Variants in RHBDL3 observed in about 807,000 individuals in gnomAD.
The protein encoded by RHBDL3 is rhomboid-related protein 3.
RHBDL3 carries 28 observed loss-of-function variants against 48.2 expected under a neutral mutation model. That is an observed-to-expected ratio of 0.58 (90% CI 0.43 to 0.80). The LOEUF (loss-of-function observed/expected upper bound fraction) is 0.80, where lower values mean the gene tolerates loss of function less well. Among genes scored for constraint, RHBDL3 ranks in the 30% least tolerant of loss-of-function variants. RHBDL3 has a pLI of 0.00. For missense variants in RHBDL3, 464 were observed against 542.7 expected, an observed-to-expected ratio of 0.85 and a Z score of 1.44; for synonymous variants, 208 against 232.3, an observed-to-expected ratio of 0.90 and a Z score of 0.95.
intron 2 of RHBDL3, among the ~76,000 whole-genome samples, chr17:32,273,063 C>G (rs867236339): frequency 1.3e-5 from 2 of 152,216 alleles, no homozygotes; most frequent in African/African-American, 4.8e-5. Context: ...TGCAGTAGCG[C>G]GATCTCAGCT....
At chr17:32,275,842 A>G (rs371952571) in intron 2 of RHBDL3, among the ~76,000 whole-genome samples, 3 of 152,202 alleles carry the variant, frequency 2.0e-5, no homozygotes, top group African/African-American at 7.2e-5. Context: ...TGGGAATCCC[A>G]GAATCGTGGA....
intron 2 of RHBDL3, among the ~76,000 whole-genome samples, chr17:32,279,235 G>A (rs1239271472): frequency 1.3e-5 from 2 of 152,158 alleles, no homozygotes; most frequent in Non-Finnish European, 2.9e-5. Context: ...GTCAAGGGGT[G>A]CCTGATACAT....
intron 7 of RHBDL3, among the ~76,000 whole-genome samples, chr17:32,310,985 C>T (rs895351859): frequency 1.3e-5 from 2 of 151,968 alleles, no homozygotes; most frequent in Admixed American, 6.6e-5. Context: ...TTCACATTCC[C>T]TGTGTTGGGT....
chr17:32,305,535 A>C, intron 7 of RHBDL3, 94 bp downstream of exon 7: 1 of 853,702 alleles, frequency 1.2e-6, no homozygotes, highest in Non-Finnish European at 2.0e-6. Flanking sequence ...CTCACCAAAA[A>C]CCAGGCAGAC....
chr17:32,290,238 C>G (rs1328578918), intron 4 of RHBDL3, among the ~76,000 whole-genome samples: 2 of 152,194 alleles, frequency 1.3e-5, no homozygotes, highest in East Asian at 3.8e-4. Context: ...GCTTCCTTCT[C>G]TAAGTGTGTG....
rs757977617 is a variant in RHBDL3 at position 32,321,217 on chromosome 17, G to A, written c.1203G>A (p.Pro401=). Reference sequence around the variant, plus strand: ...ACACCCTGCTGGACTTAAAGCTGCCGCCTCCCCCCTGAGGGCTGGAGGCCC... The same window carrying A: ...ACACCCTGCTGGACTTAAAGCTGCCACCTCCCCCCTGAGGGCTGGAGGCCC... ...FAYTLLDLKL[P]PPP is the part of the protein sequence containing the mutation. The change falls in exon 9 of 9, where the codon CCG becomes CCA. Residue 401 remains proline (P), a synonymous_variant. Coordinates refer to ENST00000269051, the MANE Select transcript of RHBDL3 (RefSeq NM_138328.3). 89 of 1,614,086 alleles carry A rather than the reference G, an allele frequency of 5.5e-5. No individual in the cohort carries two copies. Among genetic ancestry groups the A allele is most frequent in the Middle Eastern group, 1.6e-4 (1 of 6,084 alleles).
Position 32,266,272 on chromosome 17 carries a change from A to G in RHBDL3, c.83A>G (p.Glu28Gly). The change falls in exon 1 of 9, where the codon GAG becomes GGG. Residue 28 changes from glutamate to glycine, a missense_variant. By Grantham distance (98) the Glu-to-Gly change is moderately conservative (BLOSUM62 -2). Transcript: ENST00000269051. ...ERIEELEPEA[E>G]ERLPAAPEDH... ...ATCGAGGAGCTGGAACCCGAGGCCG[A>G]GGAGCGGCTGCCCGCGGCGCCGGAG... 1 of 1,468,080 alleles carries G rather than the reference A, an allele frequency of 6.8e-7. No homozygotes were observed. 90.9% of individuals were successfully genotyped at this position (1,468,080 alleles called of 1,614,324 possible).
intron 4 of RHBDL3, among the ~76,000 whole-genome samples, chr17:32,292,675 A>G (rs1330458597): frequency 6.6e-6 from 1 of 151,886 alleles, no homozygotes; most frequent in Non-Finnish European, 1.5e-5. Flanking sequence ...ATGGTGGCAC[A>G]CGTCTAATCC....
chr17:32,282,982 T>G (rs1441442156), intron 2 of RHBDL3, among the ~76,000 whole-genome samples: 1 of 152,186 alleles, frequency 6.6e-6, no homozygotes, highest in East Asian at 1.9e-4. Flanking sequence ...TTTGATTTTC[T>G]CAGAAATGCT....
intron 7 of RHBDL3, among the ~76,000 whole-genome samples, chr17:32,315,470 T>C (rs1034456265): frequency 2.6e-5 from 4 of 152,184 alleles, no homozygotes; most frequent in African/African-American, 9.7e-5. Context: ...GTTCCGAGTT[T>C]TCCAAGATTC....
rs2039867819 is a variant in RHBDL3 at position 32,275,186 on chromosome 17, C to G, written c.135+7261C>G. On this transcript the variant is annotated intron_variant, in intron 2 of 8. Coordinates refer to ENST00000269051, the MANE Select transcript of RHBDL3 (RefSeq NM_138328.3). The stretch of plus-strand genomic sequence containing the variant: ...CCCTGCTGACATTCACTCCCCACTC[C>G]CTGCCTGCAGTTCCCTTGAGACTCC... 2.6e-5 allele frequency among the ~76,000 whole-genome samples: 4 copies of G among 152,162 alleles called. No individual in the cohort carries two copies. The South Asian group carries it at 8.3e-4, about 32-fold the overall frequency.
At chr17:32,300,020 G>T (rs2040545764) in intron 6 of RHBDL3, among the ~76,000 whole-genome samples, 1 of 152,142 alleles carries the variant, frequency 6.6e-6, no homozygotes, top group Admixed American at 6.5e-5. Flanking sequence ...CCTACCATAT[G>T]CAGGCCGTAA....
chr17:32,316,173 G>T, intron 7 of RHBDL3, 59 bp from the exon 8 acceptor site: 2 of 1,241,608 alleles, frequency 1.6e-6, no homozygotes, highest in Non-Finnish European at 2.4e-6. Flanking sequence ...TCTTAAGCAA[G>T]ACACACCGGC....
chr17:32,301,996 C>A lies in RHBDL3; in HGVS notation c.782-3345C>A, dbSNP rs140913552. Among the ~76,000 whole-genome samples the A allele has an allele frequency of 5.7e-3, 862 of 152,332 alleles. 5 individuals carry two copies. The highest frequency in any genetic ancestry group is 0.024 in the Middle Eastern group (7 of 294). ...CCTTATGGCAAAGTTGCCAGTTTAT[C>A]TGTGTGCTGGCATGACCTCAGAATT... On this transcript the variant is annotated intron_variant, in intron 6 of 8. Coordinates refer to ENST00000269051, the MANE Select transcript of RHBDL3 (RefSeq NM_138328.3).
chr17:32,267,430 TG>T (rs200339559), intron 1 of RHBDL3, among the ~76,000 whole-genome samples: 9 of 120,652 alleles, frequency 7.5e-5, no homozygotes, highest in East Asian at 2.5e-4. Context: ...TGAGTTCTCC[TG>T]GGGGGGGAGG....
chr17:32,320,930 G>A, intron 8 of RHBDL3, 28 bp from the exon 9 acceptor site: 8 of 1,581,050 alleles, frequency 5.1e-6, no homozygotes. Context: ...GCCCTCCTGT[G>A]ACATCTCTCT....
intron 7 of RHBDL3, 130 bp downstream of exon 7, chr17:32,305,571 A>C: frequency 1.5e-6 from 1 of 686,372 alleles, no homozygotes; most frequent in Non-Finnish European, 2.7e-6. Context: ...GTTCTCACAC[A>C]CTCCTCACCC....
chr17:32,314,516 G>T (rs560699089), intron 7 of RHBDL3, among the ~76,000 whole-genome samples: 29 of 152,122 alleles, frequency 1.9e-4, no homozygotes, highest in Admixed American at 2.0e-4. Context: ...TGAAATCCAT[G>T]GAGGGGACAT....
chr17:32,305,592 C>CCAGATGCG, intron 7 of RHBDL3, 151 bp downstream of exon 7: 1 of 650,808 alleles, frequency 1.5e-6, no homozygotes, highest in Non-Finnish European at 2.8e-6. Flanking sequence ...TCTGCAGGCC[C>CCAGATGCG]ATTTCAAATG....
Sources: gnomAD v4.1 joint callset for allele counts (sites outside exome capture counted in the v4.1 genomes callset) on GRCh38, gnomAD v4.1.1 for gene constraint, MANE v1.5 for transcripts, NCBI Gene and HGNC (gene_info 2026-07-23, HGNC 2026-07-21) for gene names.